CERS3: variants seen among roughly 807,000 people sequenced by gnomAD.
The protein encoded by CERS3 is LAG1 homolog, ceramide synthase 3.
CERS3 carries 33 observed loss-of-function variants against 50.3 expected under a neutral mutation model. That is an observed-to-expected ratio of 0.66 (90% confidence interval 0.50 to 0.88). The LOEUF is 0.88. Among genes scored for constraint, CERS3 ranks in the 40% least tolerant of loss-of-function variants. CERS3 has a pLI of 0.00. For missense variants in CERS3, 470 were observed against 460.3 expected (o/e 1.02, Z -0.19); for synonymous variants, 176 against 155.2 (o/e 1.13, Z -0.99).
chr15:100,405,258 A>AC (rs77853987), intron 11 of CERS3, among the ~76,000 whole-genome samples: 14 of 142,912 alleles, frequency 9.8e-5, no homozygotes, highest in South Asian at 8.8e-4. Context: ...ACAAAAAAAA[A>AC]CCCCTAATTT....
chr15:100,423,833 T>C (rs2032628014), intron 11 of CERS3, among the ~76,000 whole-genome samples: 1 of 152,186 alleles, frequency 6.6e-6, no homozygotes, highest in Non-Finnish European at 1.5e-5. Flanking sequence ...TCCACCATGA[T>C]TGAAAGTTTC....
chr15:100,435,721 C>T (rs1480065666), intron 11 of CERS3, among the ~76,000 whole-genome samples: 1 of 152,132 alleles, frequency 6.6e-6, no homozygotes, highest in Non-Finnish European at 1.5e-5. Context: ...TGCAATCTAT[C>T]CATCTGACAA....
chr15:100,442,711 A>G (rs372781978), intron 11 of CERS3, among the ~76,000 whole-genome samples: 17,878 of 151,162 alleles, frequency 0.12, 522 homozygotes, highest in Admixed American at 0.21. Flanking sequence ...CTCCGGCCCA[A>G]GGCTCTCTGA....
At chr15:100,544,342 A>ACCTCCGCGGGGACACGGGCCCT (rs1567697075) in intron 1 of CERS3, 3 of 52,990 alleles carry the variant, frequency 5.7e-5, no homozygotes, top group South Asian at 8.5e-4. Flanking sequence ...GAGCACGGGG[A>ACCTCCGCGGGGACACGGGCCCT]CTCTGGGCCT....
chr15:100,431,339 TATAAA>T (rs2033122079), intron 11 of CERS3, among the ~76,000 whole-genome samples: 2 of 152,232 alleles, frequency 1.3e-5, no homozygotes, highest in South Asian at 4.1e-4. Context: ...ATAATCATTT[TATAAA>T]ATAAATCATG....
Position 100,417,553 on chromosome 15 carries a change from G to A in CERS3, c.1000-14688C>T, listed in dbSNP as rs1260942342. ...TTGCTTAGGTAAATAAAGCAGCCTG[G>A]AAGCTCGAACTGGGTGGAGCCCACC... is the stretch of plus-strand genomic sequence containing the variant. On this transcript the variant is annotated intron_variant, in intron 11 of 11. Coordinates refer to ENST00000679737, the MANE Select transcript of CERS3 (RefSeq NM_001378789.1). Among the ~76,000 whole-genome samples, 7 of 152,070 alleles carry A rather than the reference G, an allele frequency of 4.6e-5. No individual in the cohort carries two copies. The South Asian group carries it at 6.2e-4, about 14-fold the overall frequency.
intron 11 of CERS3, among the ~76,000 whole-genome samples, chr15:100,403,801 C>A (rs548564154): frequency 3.3e-5 from 5 of 152,278 alleles, no homozygotes; most frequent in Admixed American, 6.5e-5. Context: ...CTGGTAAATT[C>A]TATGAAACAC....
intron 5 of CERS3, 74 bp downstream of exon 5, chr15:100,484,475 AG>A: frequency 9.9e-7 from 1 of 1,007,798 alleles, no homozygotes; most frequent in Non-Finnish European, 1.6e-6. Flanking sequence ...CTGCTCCGGC[AG>A]TATTCTCTCT....
At chr15:100,442,607 G>T (rs987790068) in intron 11 of CERS3, among the ~76,000 whole-genome samples, 1 of 152,134 alleles carries the variant, frequency 6.6e-6, no homozygotes, top group Admixed American at 6.5e-5. Context: ...CTCGCAGCCT[G>T]GGATTCCTCC....
intron 11 of CERS3, among the ~76,000 whole-genome samples, chr15:100,442,788 C>A (rs1402426335): frequency 6.6e-6 from 1 of 152,240 alleles, no homozygotes; most frequent in Admixed American, 6.5e-5. Flanking sequence ...ACCTCGGAAG[C>A]CCCCTAGACC....
At chr15:100,429,935 AT>A (rs917929241) in intron 11 of CERS3, among the ~76,000 whole-genome samples, 305 of 150,866 alleles carry the variant, frequency 2.0e-3, no homozygotes, top group South Asian at 7.1e-3. Flanking sequence ...CTTTTGGTGT[AT>A]TTTTTTTTAT....
rs1452658603 is a variant in CERS3 at position 100,441,803 on chromosome 15, C to CT, written c.999+14089_999+14090insA. 7.3e-5 allele frequency among the ~76,000 whole-genome samples: 9 copies of CT among 123,020 alleles called. No individual in the cohort carries two copies. In the East Asian group the frequency reaches 2.1e-3, roughly 28 times the overall value. 80.7% of individuals were successfully genotyped at this position (123,020 alleles called of 152,430 possible). On this transcript the variant is annotated intron_variant, in intron 11 of 11. Coordinates refer to ENST00000679737, the MANE Select transcript of CERS3 (RefSeq NM_001378789.1). ...CAGGCATTCTTTTACACATCAGTCCCCCCCAGTCTGTGTTCCCAGTGCAAC... is the reference window on the plus strand; with the variant it reads ...CAGGCATTCTTTTACACATCAGTCCCTCCCCAGTCTGTGTTCCCAGTGCAAC...
chr15:100,464,198 A>G (rs2034639988), intron 10 of CERS3, among the ~76,000 whole-genome samples: 1 of 152,218 alleles, frequency 6.6e-6, no homozygotes, highest in South Asian at 2.1e-4. Context: ...GAAGTAAGGG[A>G]GCTAGGTATT....
At chr15:100,523,469 A>AGGCAAGCAGAT (rs1395149080) in intron 1 of CERS3, among the ~76,000 whole-genome samples, 1 of 152,128 alleles carries the variant, frequency 6.6e-6, no homozygotes, top group Non-Finnish European at 1.5e-5. Context: ...TGGGAGGCTG[A>AGGCAAGCAGAT]GGCAAGCAGA....
At chr15:100,532,469 AAAATGCTACC>A (rs2036960364), upstream of CERS3, among the ~76,000 whole-genome samples, 1 of 152,204 alleles carries the variant, frequency 6.6e-6, no homozygotes, top group Non-Finnish European at 1.5e-5. Context: ...AATTTAAGTC[AAAATGCTACC>A]AAACTGCCAG....
chr15:100,490,255 A>G (rs8033674), intron 4 of CERS3, among the ~76,000 whole-genome samples: 66,730 of 152,034 alleles, frequency 0.44, 15,259 homozygotes, highest in Middle Eastern at 0.53. Context: ...GCACTACAAC[A>G]TAAATGAAGG....
chr15:100,442,272 C>G (rs1377727725), intron 11 of CERS3, among the ~76,000 whole-genome samples: 5 of 152,190 alleles, frequency 3.3e-5, no homozygotes, highest in Admixed American at 6.5e-5. Context: ...AAAGGGCCGT[C>G]TTATTCTCAA....
Position 100,452,017 on chromosome 15 carries a change from C to T in CERS3, c.999+3876G>A, listed in dbSNP as rs185605346. 5.3e-5 allele frequency among the ~76,000 whole-genome samples: 8 copies of T among 152,254 alleles called. No homozygotes were observed. The East Asian group carries it at 1.5e-3, about 29-fold the overall frequency. ...CTAAAGAGAGAGATGAAGTCCAATACAATAATAGTTGGAGACTTCAACACC... is the reference window on the plus strand; with the variant it reads ...CTAAAGAGAGAGATGAAGTCCAATATAATAATAGTTGGAGACTTCAACACC... On this transcript the variant is annotated intron_variant, in intron 11 of 11. Transcript: ENST00000679737.
chr15:100,451,681 C>T (rs752191049), intron 11 of CERS3, among the ~76,000 whole-genome samples: 7 of 151,456 alleles, frequency 4.6e-5, no homozygotes, highest in African/African-American at 7.3e-5. Context: ...CACTCTAGCC[C>T]GGGTGACAGA....
Sources: allele counts gnomAD v4.1 joint callset (sites outside exome capture counted in the v4.1 genomes callset), GRCh38; gene constraint gnomAD v4.1.1; transcripts MANE v1.5; gene names NCBI Gene and HGNC (gene_info 2026-07-23, HGNC 2026-07-21).